SIPA1L3: variants seen among roughly 807,000 people sequenced by gnomAD.
The protein encoded by SIPA1L3 is signal-induced proliferation-associated 1-like protein 3.
SIPA1L3 carries 59 observed loss-of-function variants against 150.1 expected under a neutral mutation model. That is an observed-to-expected ratio of 0.39 (90% CI 0.32 to 0.49). SIPA1L3 has a LOEUF of 0.49. SIPA1L3 is among the 20% of genes least tolerant of loss of function. The pLI is 0.86. For missense variants in SIPA1L3, 2,211 were observed against 2,489.5 expected (o/e 0.89, Z 2.38); for synonymous variants, 1,070 against 1,077.6 (o/e 0.99, Z 0.14).
intron 4 of SIPA1L3, among the ~76,000 whole-genome samples, chr19:38,099,700 C>T (rs746121015): frequency 1.3e-5 from 2 of 152,062 alleles, no homozygotes; most frequent in African/African-American, 4.8e-5. Flanking sequence ...CTCCCAACAC[C>T]CCTTCAAGGT....
chr19:38,176,992 A>G (rs1419972040), intron 15 of SIPA1L3, among the ~76,000 whole-genome samples: 1 of 151,848 alleles, frequency 6.6e-6, no homozygotes, highest in Non-Finnish European at 1.5e-5. Flanking sequence ...ACAAACAACA[A>G]AAAAACAAAC....
At chr19:37,935,981 C>T (rs697434) in intron 1 of SIPA1L3, among the ~76,000 whole-genome samples, 102,132 of 151,862 alleles carry the variant, frequency 0.67, 35,839 homozygotes, top group African/African-American at 0.87. Flanking sequence ...GCTAAGGTGA[C>T]GCTCACCTTA....
At chr19:38,176,534 C>G (rs1241265194) in intron 15 of SIPA1L3, among the ~76,000 whole-genome samples, 1 of 152,050 alleles carries the variant, frequency 6.6e-6, no homozygotes, top group Non-Finnish European at 1.5e-5. Context: ...GTAGCTGGGA[C>G]TACAGGCATA....
chr19:38,152,903 C>A lies in SIPA1L3; in HGVS notation c.3597C>A (p.Ser1199=). The change falls in exon 13 of 22, where the codon TCC becomes TCA. Residue 1199 remains serine, a synonymous_variant. Transcript: ENST00000222345. ...LDPHFSHDGT[S]SGDSSSGGLT... The stretch of plus-strand genomic sequence containing the variant: ...CCCACTTCAGCCACGATGGGACGTC[C>A]AGCGGCGACTCCTCTTCCGGCGGCC... 4 of 1,613,828 alleles carry A rather than the reference C, an allele frequency of 2.5e-6. No individual in the cohort carries two copies. The highest frequency in any genetic ancestry group is 3.4e-6 in the Non-Finnish European group (4 of 1,179,892).
intron 1 of SIPA1L3, among the ~76,000 whole-genome samples, chr19:37,984,493 A>G (rs1466672331): frequency 1.3e-5 from 2 of 152,194 alleles, no homozygotes; most frequent in Non-Finnish European, 2.9e-5. Flanking sequence ...CAGATAGATT[A>G]TTGTGAGGCT....
At chr19:38,055,297 C>T (rs1456991980) in intron 2 of SIPA1L3, among the ~76,000 whole-genome samples, 1 of 152,154 alleles carries the variant, frequency 6.6e-6, no homozygotes, top group Non-Finnish European at 1.5e-5. Context: ...TTGGGGGGTG[C>T]AGGGACAGGG....
intron 15 of SIPA1L3, among the ~76,000 whole-genome samples, chr19:38,168,496 G>GA (rs1236256193): frequency 4.7e-5 from 7 of 149,658 alleles, no homozygotes; most frequent in East Asian, 2.0e-4. Context: ...AAACACTGTG[G>GA]AAAAAAAAAC....
At chr19:38,161,427 G>A (rs942961518) in intron 13 of SIPA1L3, among the ~76,000 whole-genome samples, 6 of 148,492 alleles carry the variant, frequency 4.0e-5, no homozygotes, top group African/African-American at 1.5e-4. Flanking sequence ...TAACCAATAA[G>A]ATAAAAGATA....
intron 20 of SIPA1L3, among the ~76,000 whole-genome samples, chr19:38,202,603 AGAAAG>A (rs1481961580): frequency 1.3e-5 from 2 of 152,116 alleles, no homozygotes; most frequent in Non-Finnish European, 2.9e-5. Flanking sequence ...AAAGAAAAAA[AGAAAG>A]GAAAGCTGCT....
chr19:37,922,587 G>T (rs1259517712), intron 1 of SIPA1L3, among the ~76,000 whole-genome samples: 1 of 151,334 alleles, frequency 6.6e-6, no homozygotes, highest in East Asian at 2.0e-4. Flanking sequence ...TAGAGACGGG[G>T]TTTCACTGTG....
chr19:38,013,450 T>C (rs1405765539), intron 1 of SIPA1L3, among the ~76,000 whole-genome samples: 1 of 152,100 alleles, frequency 6.6e-6, no homozygotes, highest in Non-Finnish European at 1.5e-5. Context: ...TGATAAAACA[T>C]TCAAATGGTA....
chr19:38,040,739 A>C (rs1370810374), intron 2 of SIPA1L3, among the ~76,000 whole-genome samples: 1 of 152,208 alleles, frequency 6.6e-6, no homozygotes, highest in Non-Finnish European at 1.5e-5. Context: ...AAATTGGTTA[A>C]ACGTGTCTTA....
At chr19:38,150,484 A>G (rs879749738) in intron 12 of SIPA1L3, among the ~76,000 whole-genome samples, 39 of 151,486 alleles carry the variant, frequency 2.6e-4, no homozygotes, top group Non-Finnish European at 5.0e-4. Context: ...TCCCAAGTTG[A>G]AAATACAGAT....
At chr19:38,076,022 T>C (rs2145809622) in intron 2 of SIPA1L3, among the ~76,000 whole-genome samples, 1 of 151,196 alleles carries the variant, frequency 6.6e-6, no homozygotes, top group Admixed American at 6.6e-5. Context: ...GCGCGTGTAG[T>C]CTCAGCCACT....
intron 9 of SIPA1L3, among the ~76,000 whole-genome samples, chr19:38,121,140 G>C (rs1453178007): frequency 6.6e-6 from 1 of 151,936 alleles, no homozygotes; most frequent in African/African-American, 2.4e-5. Flanking sequence ...CCAGGAGTTT[G>C]AGACCAGCCT....
intron 2 of SIPA1L3, among the ~76,000 whole-genome samples, chr19:38,030,422 C>T (rs899282572): frequency 2.0e-5 from 3 of 151,756 alleles, no homozygotes; most frequent in African/African-American, 7.3e-5. Flanking sequence ...ATTAGCTGGG[C>T]GTGGTGATGC....
At chr19:38,117,047 C>T (rs1690834730) in intron 8 of SIPA1L3, among the ~76,000 whole-genome samples, 1 of 152,226 alleles carries the variant, frequency 6.6e-6, no homozygotes, top group Non-Finnish European at 1.5e-5. Flanking sequence ...GACTCATCAA[C>T]AGATCTTCTC....
intron 1 of SIPA1L3, among the ~76,000 whole-genome samples, chr19:37,918,920 A>AAACT (rs1373701447): frequency 1.8e-5 from 2 of 112,578 alleles, no homozygotes; most frequent in Non-Finnish European, 3.6e-5. Flanking sequence ...ATAAATAAAC[A>AAACT]AACTGCTGCT....
chr19:38,069,546 G>C (rs1969669652), intron 2 of SIPA1L3, among the ~76,000 whole-genome samples: 3 of 152,140 alleles, frequency 2.0e-5, no homozygotes, highest in Admixed American at 2.0e-4. Context: ...CCTCACCTAA[G>C]ACTGCACAGT....
Sources: gnomAD v4.1 joint callset for allele counts (sites outside exome capture counted in the v4.1 genomes callset) on GRCh38, gnomAD v4.1.1 for gene constraint, MANE v1.5 for transcripts, NCBI Gene and HGNC (gene_info 2026-07-23, HGNC 2026-07-21) for gene names.